Variants in RCAN3 observed in about 807,000 individuals in gnomAD.
RCAN3 encodes regulator of calcineurin 3, also known as calcipressin-3.
RCAN3 carries 19 observed loss-of-function variants against 21.9 expected under a neutral mutation model. The ratio of observed to expected loss-of-function variants is 0.87; its 90% CI spans 0.61 to 1.27. The LOEUF (loss-of-function observed/expected upper bound fraction) is 1.27. Among genes scored for constraint, RCAN3 ranks in the 50% most tolerant of loss-of-function variants. The probability of loss-of-function intolerance (pLI) is 0.00; values close to 1 mark genes in which losing one functional copy is unlikely to be tolerated. For synonymous variants in RCAN3, 114 were observed against 112.3 expected (o/e 1.01, Z -0.09); for missense variants, 240 against 300.1 (o/e 0.80, Z 1.48).
chr1:24,506,493 T>C (rs1647451401), intron 1 of RCAN3, among the ~76,000 whole-genome samples: 1 of 152,134 alleles, frequency 6.6e-6, no homozygotes, highest in Non-Finnish European at 1.5e-5. Flanking sequence ...AAAATGATCT[T>C]GTTCTTATAC....
At chr1:24,504,918 AT>A (rs1310076715) in intron 1 of RCAN3, among the ~76,000 whole-genome samples, 4 of 152,228 alleles carry the variant, frequency 2.6e-5, no homozygotes, top group Non-Finnish European at 4.4e-5. Flanking sequence ...GTTTATTTCT[AT>A]CTGTCTCTTG....
At chr1:24,508,035 C>T (rs1357588534) in intron 1 of RCAN3, among the ~76,000 whole-genome samples, 5 of 151,982 alleles carry the variant, frequency 3.3e-5, no homozygotes, top group Admixed American at 6.6e-5. Context: ...GCCGAGATTG[C>T]GCCAGTGAGC....
At chr1:24,502,383 C>A (rs1293666581), upstream of RCAN3, 1 of 152,548 alleles carries the variant, frequency 6.6e-6, no homozygotes, top group Non-Finnish European at 1.5e-5. Context: ...CTGCGGCCGC[C>A]TCTCCTCGGG....
intron 1 of RCAN3, among the ~76,000 whole-genome samples, chr1:24,506,757 A>AT (rs11435534): frequency 0.12 from 17,420 of 146,814 alleles, 1,091 homozygotes; most frequent in East Asian, 0.16. Flanking sequence ...TATTCTAAGA[A>AT]TTTTTTTTTT....
intron 1 of RCAN3, among the ~76,000 whole-genome samples, chr1:24,508,408 A>G (rs1327126492): frequency 6.6e-6 from 1 of 152,242 alleles, no homozygotes; most frequent in African/African-American, 2.4e-5. Context: ...GTGTGTGTGA[A>G]CCACAGGGAG....
At chr1:24,530,564 G>T (rs75139246) in intron 2 of RCAN3, among the ~76,000 whole-genome samples, 2,223 of 152,178 alleles carry the variant, frequency 0.015, 62 homozygotes, top group African/African-American at 0.051. Context: ...GGAAAGGAAT[G>T]TGACAGAGGG....
chr1:24,511,266 T>C (rs1647860501), intron 1 of RCAN3, among the ~76,000 whole-genome samples: 1 of 152,056 alleles, frequency 6.6e-6, no homozygotes, highest in African/African-American at 2.4e-5. Context: ...TGAGCCAAGA[T>C]AGCACCACTG....
rs886655135 is a variant in RCAN3 at position 24,536,852 on chromosome 1, C to G, written c.*1575C>G. 2 of 152,004 alleles carry G rather than the reference C, an allele frequency of 1.3e-5. No homozygotes were observed. The highest frequency in any genetic ancestry group is 2.9e-5 in the Non-Finnish European group (2 of 68,010). The allele number at this position is 152,004 out of a possible 1,614,324, so 9.4% of individuals were successfully genotyped here. A position where few individuals can be genotyped will look rare whatever the true frequency, so the allele number is the denominator to read the frequency against. ...TGTATCTTCCTTGCCCTCAAATACC[C>G]TGAGGTGATAAACTGTTCCAGTTGT... On this transcript the variant is annotated 3_prime_UTR_variant, in exon 5 of 5. Coordinates refer to ENST00000374395, the MANE Select transcript of RCAN3 (RefSeq NM_013441.4).
chr1:24,509,072 G>T (rs971391561), intron 1 of RCAN3, among the ~76,000 whole-genome samples: 1 of 152,096 alleles, frequency 6.6e-6, no homozygotes, highest in African/African-American at 2.4e-5. Context: ...GAGGTGGGGG[G>T]ATCACCTGAG....
intron 1 of RCAN3, among the ~76,000 whole-genome samples, chr1:24,508,699 C>T (rs991470345): frequency 6.6e-6 from 1 of 152,066 alleles, no homozygotes; most frequent in African/African-American, 2.4e-5. Flanking sequence ...TCGGGGATAT[C>T]GCGGGTTTCG....
At chr1:24,533,329 T>C in intron 4 of RCAN3, 75 bp downstream of exon 4, 1 of 1,215,320 alleles carries the variant, frequency 8.2e-7, no homozygotes, top group Middle Eastern at 2.1e-4. Context: ...GCAGTGTGCA[T>C]TGTGGCAGTA....
At chr1:24,512,207 G>A (rs1416880235) in intron 1 of RCAN3, among the ~76,000 whole-genome samples, 1 of 152,008 alleles carries the variant, frequency 6.6e-6, no homozygotes, top group African/African-American at 2.4e-5. Flanking sequence ...AAATTACCCG[G>A]GCATGGTAGC....
chr1:24,502,858 G>A lies in RCAN3; in HGVS notation c.-352G>A, dbSNP rs1647200033. Reference sequence around the variant, plus strand: ...GCCAGAACAGGAGGGGACGAGGCGGGCGCGCGGCGCCGGCAGCCTAGCTCA... The same window carrying A: ...GCCAGAACAGGAGGGGACGAGGCGGACGCGCGGCGCCGGCAGCCTAGCTCA... On this transcript the variant is annotated 5_prime_UTR_variant, in exon 1 of 5. Transcript: ENST00000374395. The A allele has an allele frequency of 6.6e-6, 1 of 150,532 alleles. No homozygotes were observed. The highest frequency in any genetic ancestry group is 2.4e-5 in the African/African-American group (1 of 41,368). The allele number at this position is 150,532 out of a possible 1,614,324, so 9.3% of individuals were successfully genotyped here.
chr1:24,527,916 C>T (rs142100774), intron 2 of RCAN3, among the ~76,000 whole-genome samples: 1 of 152,004 alleles, frequency 6.6e-6, no homozygotes, highest in African/African-American at 2.4e-5. Flanking sequence ...ATTTTTTTCT[C>T]AGCCTCATGA....
At chr1:24,515,026 T>G (rs1261706443) in intron 2 of RCAN3, among the ~76,000 whole-genome samples, 1 of 152,102 alleles carries the variant, frequency 6.6e-6, no homozygotes, top group African/African-American at 2.4e-5. Flanking sequence ...GAATTTTTAT[T>G]GTATTTTTAG....
At chr1:24,527,924 T>C (rs1649403497) in intron 2 of RCAN3, among the ~76,000 whole-genome samples, 1 of 152,184 alleles carries the variant, frequency 6.6e-6, no homozygotes, top group South Asian at 2.1e-4. Flanking sequence ...CTCAGCCTCA[T>C]GAACGACTCA....
chr1:24,539,571 G>A lies in RCAN3; in HGVS notation c.*4294G>A, dbSNP rs954023770. The A allele has an allele frequency of 3.9e-5, 6 of 152,224 alleles. No homozygotes were observed. The highest frequency in any genetic ancestry group is 8.8e-5 in the Non-Finnish European group (6 of 68,034). The allele number at this position is 152,224 out of a possible 1,614,324, so 9.4% of individuals were successfully genotyped here. ...GAAATAAAAGAGTTTGCAGTGGAAT[G>A]ATACTCTCACTCCGTGCTTGTAAAA... On this transcript the variant is annotated 3_prime_UTR_variant, in exon 5 of 5. Transcript: ENST00000374395.
At position 24,538,395 on chromosome 1, in the gene RCAN3, T is replaced by A. The variant is rs1372333242; in HGVS notation, c.*3118T>A. Reference sequence around the variant, plus strand: ...TTTAAATAAAATATTTTTTATTTTTTATTTTTATTTATTTATTTATTTATT... The same window carrying A: ...TTTAAATAAAATATTTTTTATTTTTAATTTTTATTTATTTATTTATTTATT... On this transcript the variant is annotated 3_prime_UTR_variant, in exon 5 of 5. Transcript: ENST00000374395. The A allele has an allele frequency of 2.6e-5, 4 of 151,620 alleles. No individual in the cohort carries two copies. Among genetic ancestry groups the A allele is most frequent in the Admixed American group, 6.6e-5 (1 of 15,254 alleles). The allele number at this position is 151,620 out of a possible 1,614,324, so 9.4% of individuals were successfully genotyped here. A position where few individuals can be genotyped will look rare whatever the true frequency, so the allele number is the denominator to read the frequency against.
At chr1:24,531,704 C>T (rs1649774085) in intron 3 of RCAN3, among the ~76,000 whole-genome samples, 1 of 152,172 alleles carries the variant, frequency 6.6e-6, no homozygotes, top group African/African-American at 2.4e-5. Context: ...ACTAACTTCT[C>T]TCCTGTGCAT....
Sources: allele counts gnomAD v4.1 joint callset (sites outside exome capture counted in the v4.1 genomes callset), GRCh38; gene constraint gnomAD v4.1.1; transcripts MANE v1.5; gene names NCBI Gene and HGNC (gene_info 2026-07-23, HGNC 2026-07-21).